SPOPL: variants seen among roughly 807,000 people sequenced by gnomAD.
The protein encoded by SPOPL is speckle-type POZ protein-like.
Under a neutral mutation model 53.8 loss-of-function variants are expected in SPOPL, and 23 were observed. The ratio of observed to expected loss-of-function variants is 0.43; its 90% CI spans 0.31 to 0.61. SPOPL has a LOEUF of 0.61. Among genes scored for constraint, SPOPL ranks in the 20% least tolerant of loss-of-function variants. The pLI is 0.12. For synonymous variants in SPOPL, 164 were observed against 149.7 expected, an observed-to-expected ratio of 1.10 and a Z score of -0.70; for missense variants, 442 against 466.9, an observed-to-expected ratio of 0.95 and a Z score of 0.49.
chr2:138,528,361 C>A (rs905677210), intron 1 of SPOPL, among the ~76,000 whole-genome samples: 1 of 152,296 alleles, frequency 6.6e-6, no homozygotes, highest in East Asian at 1.9e-4. Context: ...ACTTACAGTA[C>A]CCTGGATTGT....
intron 1 of SPOPL, among the ~76,000 whole-genome samples, chr2:138,513,434 T>C (rs1684371392): frequency 6.6e-6 from 1 of 152,018 alleles, no homozygotes; most frequent in African/African-American, 2.4e-5. Flanking sequence ...ACACCTGTAA[T>C]CCCAGCTACT....
chr2:138,554,767 A>G (rs1685385663), intron 5 of SPOPL, among the ~76,000 whole-genome samples: 1 of 152,194 alleles, frequency 6.6e-6, no homozygotes, highest in Non-Finnish European at 1.5e-5. Flanking sequence ...CAGTCTACAG[A>G]CCCATACCAT....
intron 3 of SPOPL, 129 bp downstream of exon 3, chr2:138,550,733 C>T (rs1335197008): frequency 7.0e-7 from 1 of 1,426,202 alleles, no homozygotes; most frequent in East Asian, 2.3e-5. Context: ...TAGTATGTTC[C>T]TAATAGTGTG....
intron 1 of SPOPL, among the ~76,000 whole-genome samples, chr2:138,527,776 T>A (rs1684707890): frequency 6.6e-6 from 1 of 152,200 alleles, no homozygotes; most frequent in South Asian, 2.1e-4. Flanking sequence ...TGCTAAAAGA[T>A]GGTATCTGGC....
intron 1 of SPOPL, among the ~76,000 whole-genome samples, 179 bp downstream of exon 1, chr2:138,502,298 G>A (rs1393103043): frequency 2.0e-5 from 3 of 152,124 alleles, no homozygotes; most frequent in African/African-American, 7.2e-5. Flanking sequence ...TACCTCCCAC[G>A]CCCCCGGACC....
intron 8 of SPOPL, among the ~76,000 whole-genome samples, chr2:138,563,691 C>T (rs922644089): frequency 2.0e-5 from 3 of 152,146 alleles, no homozygotes; most frequent in African/African-American, 7.2e-5. Flanking sequence ...AATGGTACAA[C>T]CACTTTGGAA....
intron 1 of SPOPL, among the ~76,000 whole-genome samples, chr2:138,535,206 T>C (rs1036539929): frequency 1.3e-5 from 2 of 152,218 alleles, no homozygotes; most frequent in African/African-American, 4.8e-5. Flanking sequence ...ATGTACCACA[T>C]TTTAAAAATT....
chr2:138,557,163 A>C (rs1218644132), intron 5 of SPOPL, among the ~76,000 whole-genome samples: 1 of 152,130 alleles, frequency 6.6e-6, no homozygotes, highest in Non-Finnish European at 1.5e-5. Flanking sequence ...CTCAAAAGAA[A>C]AAAAAAAAGA....
chr2:138,572,564 C>G lies in SPOPL; in HGVS notation c.*3484C>G, dbSNP rs995186846. ...AGTATACTTGAAGAGGTGAATTATT[C>G]TGACTTGGACATGCATGCTCTTTGA... On this transcript the variant is annotated 3_prime_UTR_variant, in exon 11 of 11. Coordinates refer to ENST00000280098, the MANE Select transcript of SPOPL (RefSeq NM_001001664.3). 5.2e-5 allele frequency: 8 copies of G among 152,466 alleles called. No homozygotes were observed. The highest frequency in any genetic ancestry group is 1.0e-4 in the Non-Finnish European group (7 of 67,980). 9.4% of individuals were successfully genotyped at this position (152,466 alleles called of 1,614,324 possible). A position where few individuals can be genotyped will look rare whatever the true frequency, so the allele number is the denominator to read the frequency against.
Position 138,550,973 on chromosome 2 carries a change from G to C in SPOPL, c.271G>C (p.Val91Leu), listed in dbSNP as rs752026956. 1.1e-5 allele frequency: 17 copies of C among 1,613,540 alleles called. No individual in the cohort carries two copies. Among genetic ancestry groups the C allele is most frequent in the Non-Finnish European group, 1.3e-5 (15 of 1,179,640 alleles). ...CTACTTGTCCTTATATTTGCTTTTAGTCAGCTGCCCCAAAAGTGAAGTTCG... is the reference window on the plus strand; with the variant it reads ...CTACTTGTCCTTATATTTGCTTTTACTCAGCTGCCCCAAAAGTGAAGTTCG... The part of the protein sequence containing the change: ...KDYLSLYLLL[V>L]SCPKSEVRAK... The change falls in exon 4 of 11, where the codon GTC becomes CTC. Residue 91 changes from valine (V) to leucine (L), a missense_variant. By Grantham distance (32) the Val-to-Leu change is conservative. Transcript: ENST00000280098.
Position 138,550,549 on chromosome 2 carries a change from G to C in SPOPL, c.145G>C (p.Gly49Arg), listed in dbSNP as rs1465699731. 14 of 1,611,306 alleles carry C rather than the reference G, an allele frequency of 8.7e-6. No individual in the cohort carries two copies. Among genetic ancestry groups the C allele is most frequent in the Non-Finnish European group, 1.2e-5 (14 of 1,178,068 alleles). Residue 49 changes from glycine (G) to arginine (R), a missense_variant, in exon 3 of 11, where the codon GGT becomes CGT. By Grantham distance (125) the Gly-to-Arg change is moderately radical. Transcript: ENST00000280098. ...CTTCAGTTTTTGTCGAGAGGAAATG[G>C]GTGAAGTGTTAAAAAGTTCAACATT... The part of the protein sequence containing the change: ...NNFSFCREEM[G>R]EVLKSSTFSS...
chr2:138,542,874 C>T (rs1018224571), intron 1 of SPOPL, among the ~76,000 whole-genome samples: 4 of 152,080 alleles, frequency 2.6e-5, no homozygotes, highest in Non-Finnish European at 4.4e-5. Flanking sequence ...TGGCTGGTAC[C>T]GGTTGTTCCT....
chr2:138,541,440 A>G (rs1685069906), intron 1 of SPOPL, among the ~76,000 whole-genome samples: 1 of 152,160 alleles, frequency 6.6e-6, no homozygotes, highest in African/African-American at 2.4e-5. Flanking sequence ...TGGTCTATTC[A>G]GAGATTCAAC....
intron 1 of SPOPL, among the ~76,000 whole-genome samples, chr2:138,522,997 T>C (rs995168376): frequency 6.6e-6 from 1 of 152,222 alleles, no homozygotes; most frequent in Non-Finnish European, 1.5e-5. Flanking sequence ...AGAGATGATA[T>C]TATACTTAGG....
chr2:138,515,284 A>G (rs1330818908), intron 1 of SPOPL, among the ~76,000 whole-genome samples: 1 of 152,180 alleles, frequency 6.6e-6, no homozygotes, highest in Non-Finnish European at 1.5e-5. Context: ...CATTGGCCCA[A>G]AGCTCTAATT....
chr2:138,555,107 G>A (rs1225018789), intron 5 of SPOPL, among the ~76,000 whole-genome samples: 1 of 149,912 alleles, frequency 6.7e-6, no homozygotes. Context: ...GAGGGGAAGA[G>A]TGGGGGTTGT....
At chr2:138,527,643 T>C (rs1025086753) in intron 1 of SPOPL, among the ~76,000 whole-genome samples, 1 of 152,240 alleles carries the variant, frequency 6.6e-6, no homozygotes, top group African/African-American at 2.4e-5. Flanking sequence ...TGTCTCCATT[T>C]CTATGAGAGT....
intron 1 of SPOPL, among the ~76,000 whole-genome samples, chr2:138,512,459 C>T (rs529373481): frequency 2.0e-5 from 3 of 152,156 alleles, no homozygotes; most frequent in South Asian, 2.1e-4. Context: ...ATTATTGACG[C>T]GTGTTTTAAT....
At chr2:138,528,228 A>T (rs1268199962) in intron 1 of SPOPL, among the ~76,000 whole-genome samples, 2 of 152,190 alleles carry the variant, frequency 1.3e-5, no homozygotes, top group Non-Finnish European at 2.9e-5. Context: ...CAGCTGTCTC[A>T]TCTAGCCTAA....
Sources: gnomAD v4.1 joint callset for allele counts (sites outside exome capture counted in the v4.1 genomes callset) on GRCh38, gnomAD v4.1.1 for gene constraint, MANE v1.5 for transcripts, NCBI Gene and HGNC (gene_info 2026-07-23, HGNC 2026-07-21) for gene names.